The following PTPN3 variants were observed in gnomAD, a reference collection of about 807,000 sequenced individuals.
PTPN3 encodes the protein tyrosine-protein phosphatase non-receptor type 3.
PTPN3 carries 96 observed loss-of-function variants against 132.7 expected under a neutral mutation model. The observed-to-expected ratio is 0.72, with a 90% CI of 0.61 to 0.86. The LOEUF (loss-of-function observed/expected upper bound fraction) is 0.86, where lower values mean the gene tolerates loss of function less well. Ranked by LOEUF, PTPN3 falls within the 40% of genes least tolerant of loss-of-function variation. The probability of loss-of-function intolerance (pLI) is 0.00; values close to 1 mark genes in which losing one functional copy is unlikely to be tolerated. For synonymous variants in PTPN3, 398 were observed against 429.0 expected, an observed-to-expected ratio of 0.93 and a Z score of 0.89; for missense variants, 1,125 against 1,159.6, an observed-to-expected ratio of 0.97 and a Z score of 0.43.
At chr9:109,397,522 G>GT in intron 19 of PTPN3, 1 of 152,274 alleles carries the variant, frequency 6.6e-6, no homozygotes, top group African/African-American at 2.4e-5. Flanking sequence ...CAAATTAACA[G>GT]TTCACTACTC....
intron 7 of PTPN3, among the ~76,000 whole-genome samples, chr9:109,444,536 TA>T (rs1335891568): frequency 1.1e-4 from 17 of 151,994 alleles, no homozygotes; most frequent in South Asian, 1.0e-3. Context: ...AGACTTAGTA[TA>T]AAAAAAATGT....
chr9:109,528,845 T>C, the PTPN3 span, among the ~76,000 whole-genome samples: 1 of 152,132 alleles, frequency 6.6e-6, no homozygotes, highest in Non-Finnish European at 1.5e-5. Context: ...AAAGTATTAG[T>C]TGTACATATC....
chr9:109,495,504 A>G (rs1847632129), intron 1 of PTPN3, among the ~76,000 whole-genome samples: 1 of 152,114 alleles, frequency 6.6e-6, no homozygotes, highest in Admixed American at 6.5e-5. Context: ...GAAGGTCAAA[A>G]TTGGTCCCTC....
Position 109,445,269 on chromosome 9 carries a change from G to A in PTPN3, c.437C>T (p.Ala146Val). The change falls in exon 7 of 26, where the codon GCA (alanine) becomes GTA (valine). Residue 146 changes from alanine (A) to valine (V), a missense_variant. Coordinates refer to ENST00000374541, the MANE Select transcript of PTPN3 (RefSeq NM_002829.4). ...TACGGCATAGGACGCTAGAACCACT[G>A]CTGAGTTAAGAGGGCAGGTTAACCT... ...EGRLTCPLNSAVVLASYAVQS... is the reference protein window; with the variant it reads ...EGRLTCPLNSVVVLASYAVQS... 2 of 1,613,818 alleles carry A rather than the reference G, an allele frequency of 1.2e-6. No individual in the cohort carries two copies. The highest frequency in any genetic ancestry group is 1.7e-5 in the Admixed American group (1 of 60,018).
the PTPN3 span, among the ~76,000 whole-genome samples, chr9:109,510,576 A>AAATAT: frequency 2.5e-4 from 12 of 47,332 alleles, no homozygotes; most frequent in Non-Finnish European, 3.3e-4. Context: ...AAAAAAAAAA[A>AAATAT]ATATATATAT....
chr9:109,480,005 A>G (rs1411281600), intron 1 of PTPN3, among the ~76,000 whole-genome samples: 1 of 152,102 alleles, frequency 6.6e-6, no homozygotes, highest in Non-Finnish European at 1.5e-5. Flanking sequence ...CCTGTTTTTG[A>G]TCATAACCAT....
chr9:109,508,432 T>C, the PTPN3 span, among the ~76,000 whole-genome samples: 1 of 152,202 alleles, frequency 6.6e-6, no homozygotes, highest in African/African-American at 2.4e-5. Flanking sequence ...AGTGCTGGGA[T>C]TACAGGCTTG....
At chr9:109,422,357 G>A (rs1024553523) in intron 13 of PTPN3, among the ~76,000 whole-genome samples, 1 of 152,152 alleles carries the variant, frequency 6.6e-6, no homozygotes, top group African/African-American at 2.4e-5. Context: ...TATTTTGTGG[G>A]ATATTAATGG....
At chr9:109,414,431 C>A (rs1210229067) in intron 14 of PTPN3, among the ~76,000 whole-genome samples, 2 of 152,228 alleles carry the variant, frequency 1.3e-5, no homozygotes, top group Admixed American at 1.3e-4. Flanking sequence ...CATACCAGTT[C>A]ACCCAGAGGG....
At position 109,429,013 on chromosome 9, in the gene PTPN3, A is replaced by G. The variant is rs1843480914; in HGVS notation, c.765-329T>C. On this transcript the variant is annotated intron_variant, in intron 10 of 25. Coordinates refer to ENST00000374541, the MANE Select transcript of PTPN3 (RefSeq NM_002829.4). ...GAGCTGGTATATACATGGGGAAGAC[A>G]GCTGAGAGCAGCATGGAGCAGCTGA... The G allele has an allele frequency of 5.1e-6, 5 of 985,364 alleles. No individual in the cohort carries two copies. In the South Asian group the frequency reaches 2.3e-4, roughly 46 times the overall value. The allele number at this position is 985,364 out of a possible 1,614,324, so 61.0% of individuals were successfully genotyped here.
upstream of PTPN3, among the ~76,000 whole-genome samples, chr9:109,498,906 G>A (rs1277067764): frequency 1.3e-5 from 2 of 152,162 alleles, no homozygotes; most frequent in South Asian, 4.1e-4. This position sits in a 1 kb window ranked among gnomAD's most constrained non-coding sequence, Gnocchi z 4.2. Context: ...AGCTTTTCAC[G>A]TGGCCGGCGC....
chr9:109,436,448 T>C (rs951853239), intron 9 of PTPN3, among the ~76,000 whole-genome samples: 1 of 152,242 alleles, frequency 6.6e-6, no homozygotes, highest in Non-Finnish European at 1.5e-5. Context: ...CAAATATTTA[T>C]TGATTTTAAC....
intron 25 of PTPN3, among the ~76,000 whole-genome samples, chr9:109,380,161 C>G (rs1225654306): frequency 2.0e-5 from 3 of 152,106 alleles, no homozygotes; most frequent in Non-Finnish European, 4.4e-5. Flanking sequence ...CATATTGTAG[C>G]AAAGTATACA....
the PTPN3 span, among the ~76,000 whole-genome samples, chr9:109,530,812 T>A: frequency 1.3e-5 from 2 of 152,348 alleles, no homozygotes; most frequent in East Asian, 3.9e-4. Flanking sequence ...ATTTTCCCAG[T>A]AATTAGTAAT....
intron 19 of PTPN3, 33 bp downstream of exon 19, chr9:109,404,415 T>C (rs370639208): frequency 7.4e-6 from 10 of 1,353,466 alleles, no homozygotes; most frequent in Middle Eastern, 2.6e-4. Flanking sequence ...ATAGGCGACA[T>C]GGCAGTGGGA....
At chr9:109,515,327 A>G in the PTPN3 span, among the ~76,000 whole-genome samples, 9 of 152,266 alleles carry the variant, frequency 5.9e-5, no homozygotes, top group Non-Finnish European at 1.0e-4. Flanking sequence ...GCCTAGCACA[A>G]GAAACTTTAA....
intron 17 of PTPN3, among the ~76,000 whole-genome samples, chr9:109,407,308 G>A (rs1841647261): frequency 6.6e-6 from 1 of 152,098 alleles, no homozygotes; most frequent in Admixed American, 6.5e-5. Context: ...GATCGCTTGA[G>A]CCTAGTTTGA....
chr9:109,484,522 T>C (rs1417103601), intron 1 of PTPN3, among the ~76,000 whole-genome samples: 5 of 152,140 alleles, frequency 3.3e-5, no homozygotes, highest in African/African-American at 4.8e-5. Context: ...GAACAGCCAC[T>C]TGGCTAGGAG....
rs1214011241 is a variant in PTPN3 at position 109,404,443 on chromosome 9, C to T, written c.1953+5G>A. 2.1e-6 allele frequency: 3 copies of T among 1,429,450 alleles called. No individual in the cohort carries two copies. The highest frequency in any genetic ancestry group is 2.8e-6 in the Non-Finnish European group (3 of 1,070,658). The allele number at this position is 1,429,450 out of a possible 1,614,324, so 88.5% of individuals were successfully genotyped here. On this transcript the variant is annotated splice_donor_5th_base_variant and intron_variant, in intron 19 of 25. Transcript: ENST00000374541. ...CAGTGGGATTCAGCCTCCAGAGGGT[C>T]TTACCTCAAACTGGATCAGCACCGT...
Sources: allele counts gnomAD v4.1 joint callset (sites outside exome capture counted in the v4.1 genomes callset), GRCh38; gene constraint gnomAD v4.1.1; non-coding constraint Gnocchi (gnomAD v3.1); transcripts MANE v1.5; gene names NCBI Gene and HGNC (gene_info 2026-07-23, HGNC 2026-07-21).